ARHGEF17: variants seen among roughly 807,000 people sequenced by gnomAD.
ARHGEF17 encodes 164 kDa Rho-specific guanine-nucleotide exchange factor.
Under a neutral mutation model 174.0 loss-of-function variants are expected in ARHGEF17, and 80 were observed. The observed-to-expected ratio is 0.46, with a 90% confidence interval of 0.38 to 0.55. The LOEUF is 0.55. Ranked by LOEUF, ARHGEF17 falls within the 20% of genes least tolerant of loss-of-function variation. The probability of loss-of-function intolerance (pLI) is 0.00; values close to 1 mark genes in which losing one functional copy is unlikely to be tolerated. For synonymous variants in ARHGEF17, 1,311 were observed against 1,189.1 expected (o/e 1.10, Z -2.11); for missense variants, 2,886 against 2,839.7 (o/e 1.02, Z -0.37).
At position 73,348,469 on chromosome 11, in the gene ARHGEF17, A is replaced by G. The variant is rs146301693; in HGVS notation, c.3270+1509A>G. Among the ~76,000 whole-genome samples the G allele has an allele frequency of 5.9e-3, 900 of 152,272 alleles. 1 individual carries two copies. The highest frequency in any genetic ancestry group is 9.6e-3 in the Non-Finnish European group (656 of 68,018). ...GAGGGAAATTCTGACATCCTACAAC[A>G]TGGATGAGCCTGGAGGACATGATGC... is the stretch of plus-strand genomic sequence containing the variant. On this transcript the variant is annotated intron_variant, in intron 2 of 20. Transcript: ENST00000263674.
At chr11:73,352,732 C>T in intron 2 of ARHGEF17, 98 bp from the exon 3 acceptor site, 1 of 1,371,630 alleles carries the variant, frequency 7.3e-7, no homozygotes, top group South Asian at 1.2e-5. Flanking sequence ...GAGCTGCAGG[C>T]CCGGGTGATT....
intron 1 of ARHGEF17, among the ~76,000 whole-genome samples, chr11:73,328,985 C>T (rs546504603): frequency 5.3e-5 from 8 of 152,102 alleles, no homozygotes; most frequent in East Asian, 1.9e-4. Flanking sequence ...AGAGATGAGA[C>T]GTGAGGCTGG....
In ARHGEF17 at chr11:73,368,712, A is replaced by AG. The variant is rs1865883230; in HGVS notation, c.*934dup. The stretch of plus-strand genomic sequence containing the variant: ...TATGGTCACCTTGGAGGGCAGACCT[A>AG]GGAGCCCCTCTGACCACTGAATCCG... On this transcript the variant is annotated 3_prime_UTR_variant, in exon 21 of 21. Coordinates refer to ENST00000263674, the MANE Select transcript of ARHGEF17 (RefSeq NM_014786.4). 6.6e-6 allele frequency: 1 copy of AG among 152,380 alleles called. No individual in the cohort carries two copies. The highest frequency in any genetic ancestry group is 1.5e-5 in the Non-Finnish European group (1 of 68,014). The allele number at this position is 152,380 out of a possible 1,614,324, so 9.4% of individuals were successfully genotyped here. A position where few individuals can be genotyped will look rare whatever the true frequency, so the allele number is the denominator to read the frequency against.
intron 16 of ARHGEF17, 131 bp downstream of exon 16, chr11:73,363,964 C>T: frequency 8.7e-7 from 1 of 1,147,730 alleles, no homozygotes; most frequent in Non-Finnish European, 1.3e-6. Flanking sequence ...AGGCCTGGCC[C>T]TAGGCTAGCT....
chr11:73,352,656 TTAGATCTTCC>T (rs1865573482), intron 2 of ARHGEF17, among the ~76,000 whole-genome samples, 164 bp from the exon 3 acceptor site: 1 of 152,156 alleles, frequency 6.6e-6, no homozygotes, highest in African/African-American at 2.4e-5. Context: ...GGGCATGAGC[TTAGATCTTCC>T]CATCTCCCTC....
chr11:73,348,795 C>T (rs138175507), intron 2 of ARHGEF17, among the ~76,000 whole-genome samples: 20 of 152,104 alleles, frequency 1.3e-4, no homozygotes, highest in Non-Finnish European at 2.1e-4. Context: ...AAATACAATG[C>T]GTTTGTTTAT....
At chr11:73,361,966 G>T in intron 12 of ARHGEF17, 74 bp from the exon 13 acceptor site, 1 of 1,547,534 alleles carries the variant, frequency 6.5e-7, no homozygotes, top group East Asian at 2.3e-5. Flanking sequence ...ATTCTGCCGG[G>T]GTTTCCCAGG....
chr11:73,321,159 T>C (rs1865011065), intron 1 of ARHGEF17, among the ~76,000 whole-genome samples: 1 of 152,208 alleles, frequency 6.6e-6, no homozygotes, highest in Non-Finnish European at 1.5e-5. Flanking sequence ...CTGGCTACAG[T>C]ACCCACATAG....
intron 1 of ARHGEF17, among the ~76,000 whole-genome samples, chr11:73,312,960 A>T (rs1591717357): frequency 6.6e-6 from 1 of 152,130 alleles, no homozygotes; most frequent in East Asian, 1.9e-4. Flanking sequence ...TGGGAGCTAG[A>T]TTCCAGGCTG....
intron 2 of ARHGEF17, among the ~76,000 whole-genome samples, chr11:73,349,136 A>G (rs1485341269): frequency 6.6e-6 from 1 of 152,284 alleles, no homozygotes; most frequent in East Asian, 1.9e-4. Context: ...AGGAGTAGAC[A>G]TGGCAGGGGC....
Position 73,310,440 on chromosome 11 carries a change from A to C in ARHGEF17, c.1802A>C (p.Lys601Thr), listed in dbSNP as rs1455167274. The change falls in exon 1 of 21, where the codon AAG becomes ACG. Residue 601 changes from lysine to threonine, a missense_variant. Around this residue, in one of 4 missense-constraint regions of ARHGEF17, gnomAD observed 1,728 missense variants for 1,461.2 expected, o/e 1.18. Coordinates refer to ENST00000263674, the MANE Select transcript of ARHGEF17 (RefSeq NM_014786.4). ...YVQEARQVFE[K>T]IQRMGAQQDD... ...CAGGAGGCCCGCCAGGTTTTTGAGA[A>C]GATCCAGCGCATGGGTGCCCAACAA... The C allele has an allele frequency of 1.2e-6, 2 of 1,614,014 alleles. No homozygotes were observed. The highest frequency in any genetic ancestry group is 1.7e-6 in the Non-Finnish European group (2 of 1,180,034).
intron 1 of ARHGEF17, among the ~76,000 whole-genome samples, chr11:73,317,706 T>TG (rs1485972242): frequency 6.6e-6 from 1 of 152,206 alleles, no homozygotes; most frequent in Non-Finnish European, 1.5e-5. Flanking sequence ...CCCCCCATGA[T>TG]GTCCTCCCTC....
rs761111157 is a variant in ARHGEF17 at position 73,310,101 on chromosome 11, G to A, written c.1463G>A (p.Arg488Gln). Residue 488 changes from arginine (R) to glutamine (Q), a missense_variant, in exon 1 of 21, where the codon CGA becomes CAA. Physicochemically the swap from Arg to Gln is conservative, Grantham distance 43. This residue lies in a region of ARHGEF17 where 1,728 missense variants were observed against 1,461.2 expected (regional missense o/e 1.18). Transcript: ENST00000263674. ...LRSDLSELRV[R>Q]KPGGSSGDRG... ...TCAGACCTTTCAGAGCTGAGGGTCC[G>A]AAAACCTGGTGGGAGCTCCGGGGAC... is the stretch of plus-strand genomic sequence containing the variant. The A allele has an allele frequency of 1.9e-6, 3 of 1,614,138 alleles. No homozygotes were observed. Among genetic ancestry groups the A allele is most frequent in the Non-Finnish European group, 2.5e-6 (3 of 1,180,018 alleles).
chr11:73,333,170 T>C (rs7936102), intron 1 of ARHGEF17, among the ~76,000 whole-genome samples: 46,483 of 152,002 alleles, frequency 0.31, 9,283 homozygotes, highest in African/African-American at 0.57. Flanking sequence ...CCAATAATAA[T>C]GACAAGACTA....
chr11:73,365,098 C>T lies in ARHGEF17; in HGVS notation c.5551-292C>T. 2.4e-6 allele frequency: 1 copy of T among 416,692 alleles called. No homozygotes were observed. The highest frequency in any genetic ancestry group is 4.4e-6 in the Non-Finnish European group (1 of 229,142). The allele number at this position is 416,692 out of a possible 1,614,324, so 25.8% of individuals were successfully genotyped here. ...TGTGTGACCTTTCCCTTCTAGGCTT[C>T]AGCTTCCCCACCTGTCCAGGGGGAG... is the stretch of plus-strand genomic sequence containing the variant. On this transcript the variant is annotated intron_variant, in intron 18 of 20. Coordinates refer to ENST00000263674, the MANE Select transcript of ARHGEF17 (RefSeq NM_014786.4). This position sits in a 1 kb window ranked among gnomAD's most constrained non-coding sequence, Gnocchi z 4.9.
intron 1 of ARHGEF17, among the ~76,000 whole-genome samples, chr11:73,312,868 T>A (rs1292793298): frequency 6.6e-6 from 1 of 152,128 alleles, no homozygotes; most frequent in African/African-American, 2.4e-5. Flanking sequence ...CCCCTCCTTC[T>A]ACCTTCTGGC....
rs757847414 is a variant in ARHGEF17 at position 73,311,149 on chromosome 11, G to A, written c.2511G>A (p.Leu837=). The A allele has an allele frequency of 6.3e-7, 1 of 1,597,566 alleles. No homozygotes were observed. The highest frequency in any genetic ancestry group is 8.6e-7 in the Non-Finnish European group (1 of 1,169,130). ...GTGACCCCAGCCGCCGTGGGGAGCT[G>A]GCTGGGCCTGGATTCGAGGGCCCTG... ...SLSDPSRRGE[L]AGPGFEGPGG... is the part of the protein sequence containing the mutation. Residue 837 remains leucine (L), a synonymous_variant, in exon 1 of 21, where the codon CTG becomes CTA. Coordinates refer to ENST00000263674, the MANE Select transcript of ARHGEF17 (RefSeq NM_014786.4).
chr11:73,308,872 C>G lies in ARHGEF17; in HGVS notation c.234C>G (p.Leu78=), dbSNP rs1053017157. The change falls in exon 1 of 21, where the codon CTC becomes CTG. Residue 78 remains leucine, a synonymous_variant. Transcript: ENST00000263674. ...APAQPRPLRS[L]SPSVRQLSRR... is the part of the protein sequence containing the mutation. ...CGCAGCCGCGCCCGCTCCGCAGCCT[C>G]TCGCCGTCGGTTCGCCAGCTCTCCC... The G allele has an allele frequency of 2.9e-6, 4 of 1,357,906 alleles. No homozygotes were observed. The South Asian group carries it at 7.2e-5, about 25-fold the overall frequency. 84.1% of individuals were successfully genotyped at this position (1,357,906 alleles called of 1,614,324 possible). A position where few individuals can be genotyped will look rare whatever the true frequency, so the allele number is the denominator to read the frequency against.
chr11:73,325,076 G>GGCAGT (rs1865079159), intron 1 of ARHGEF17, among the ~76,000 whole-genome samples: 1 of 152,168 alleles, frequency 6.6e-6, no homozygotes, highest in African/African-American at 2.4e-5. Flanking sequence ...AGGCAGGCCA[G>GGCAGT]GCAGTGCAGT....
Sources: gnomAD v4.1 joint callset for allele counts (sites outside exome capture counted in the v4.1 genomes callset) on GRCh38, gnomAD v4.1.1 for gene constraint, gnomAD v4.1.1 regional missense constraint, Gnocchi (gnomAD v3.1) non-coding constraint, MANE v1.5 for transcripts, NCBI Gene and HGNC (gene_info 2026-07-23, HGNC 2026-07-21) for gene names.